Variants in SCAMP1 observed in about 807,000 individuals in gnomAD.
SCAMP1 encodes secretory carrier-associated membrane protein 1.
In SCAMP1, 15 loss-of-function variants were observed where a neutral mutation model predicts 41.8. That is an observed-to-expected ratio of 0.36 (90% CI 0.24 to 0.55). The LOEUF (loss-of-function observed/expected upper bound fraction) is 0.55. Ranked by LOEUF, SCAMP1 falls within the 20% of genes least tolerant of loss-of-function variation. The pLI, the probability that SCAMP1 is intolerant of heterozygous loss-of-function variation, is 0.86. For missense variants in SCAMP1, 341 were observed against 412.6 expected (o/e 0.83, Z 1.50); for synonymous variants, 135 against 136.8 (o/e 0.99, Z 0.09).
At chr5:78,457,240 CT>C (rs918526389) in intron 7 of SCAMP1, among the ~76,000 whole-genome samples, 7 of 152,190 alleles carry the variant, frequency 4.6e-5, no homozygotes, top group Admixed American at 4.6e-4. Context: ...AACTGCGTTC[CT>C]TTGGTAGAGG....
At chr5:78,460,740 T>TTCTC (rs1306487601) in intron 8 of SCAMP1, among the ~76,000 whole-genome samples, 5 of 147,454 alleles carry the variant, frequency 3.4e-5, no homozygotes, top group African/African-American at 1.0e-4. Context: ...TTGGTTTCTT[T>TTCTC]TCTCCTTCCT....
intron 2 of SCAMP1, among the ~76,000 whole-genome samples, chr5:78,391,193 C>T (rs1450163942): frequency 4.0e-5 from 6 of 151,894 alleles, no homozygotes; most frequent in African/African-American, 9.7e-5. Flanking sequence ...GGGTGGTGGC[C>T]GGGCAGAGGG....
intron 5 of SCAMP1, among the ~76,000 whole-genome samples, chr5:78,419,748 C>T (rs1039471941): frequency 6.6e-6 from 1 of 152,202 alleles, no homozygotes; most frequent in African/African-American, 2.4e-5. Flanking sequence ...GACTACCACC[C>T]TTCCCTTAAT....
intron 6 of SCAMP1, among the ~76,000 whole-genome samples, chr5:78,433,897 TAATAG>T (rs970205649): frequency 3.9e-5 from 6 of 152,194 alleles, no homozygotes; most frequent in African/African-American, 1.4e-4. Context: ...AAGGTCTCTG[TAATAG>T]ATATATTCCT....
intron 6 of SCAMP1, among the ~76,000 whole-genome samples, chr5:78,438,209 C>T (rs1204534381): frequency 2.0e-5 from 3 of 152,082 alleles, no homozygotes; most frequent in African/African-American, 4.8e-5. Context: ...ATGTCTCTAT[C>T]TCCTTCAGTT....
chr5:78,441,541 C>T (rs186884268), intron 6 of SCAMP1, among the ~76,000 whole-genome samples: 49 of 152,294 alleles, frequency 3.2e-4, no homozygotes, highest in African/African-American at 6.3e-4. Context: ...GGTCAGGGCA[C>T]GCTGGCCCAT....
chr5:78,424,240 C>T (rs1056863706), intron 6 of SCAMP1, among the ~76,000 whole-genome samples: 1 of 152,066 alleles, frequency 6.6e-6, no homozygotes, highest in African/African-American at 2.4e-5. Flanking sequence ...ATATACCTTC[C>T]TGTTATGTAT....
intron 2 of SCAMP1, among the ~76,000 whole-genome samples, chr5:78,392,022 A>G (rs1431658236): frequency 2.8e-3 from 4 of 1,406 alleles, no homozygotes; most frequent in African/African-American, 0.017. Context: ...GGAGAGGGAG[A>G]GAGAGGGAGA....
intron 7 of SCAMP1, among the ~76,000 whole-genome samples, chr5:78,457,276 T>C (rs548710835): frequency 1.8e-4 from 28 of 152,334 alleles, no homozygotes; most frequent in African/African-American, 6.0e-4. Flanking sequence ...TTTTAGAGTT[T>C]CCAGTTTTTC....
chr5:78,392,564 A>G (rs532621699), intron 2 of SCAMP1, among the ~76,000 whole-genome samples: 1 of 152,244 alleles, frequency 6.6e-6, no homozygotes, highest in South Asian at 2.1e-4. Flanking sequence ...TTGAGACTTT[A>G]TAGTTACAAA....
At chr5:78,375,351 A>G (rs1164842510) in intron 1 of SCAMP1, among the ~76,000 whole-genome samples, 1 of 152,142 alleles carries the variant, frequency 6.6e-6, no homozygotes, top group Non-Finnish European at 1.5e-5. Flanking sequence ...TGACCATGTC[A>G]CTTATTATAT....
In SCAMP1 at chr5:78,425,745, A is replaced by G. The variant is rs142451300; in HGVS notation, c.632+3785A>G. Reference sequence around the variant, plus strand: ...TATTAGGATATATTGTATATACTATAAAATTCACCCACTCTTATGGGAAAA... The same window carrying G: ...TATTAGGATATATTGTATATACTATGAAATTCACCCACTCTTATGGGAAAA... On this transcript the variant is annotated intron_variant, in intron 6 of 8. Coordinates refer to ENST00000621999, the MANE Select transcript of SCAMP1 (RefSeq NM_004866.6). Among the ~76,000 whole-genome samples the G allele has an allele frequency of 4.4e-4, 67 of 152,256 alleles. 1 individual carries two copies. The highest frequency in any genetic ancestry group is 1.6e-3 in the African/African-American group (65 of 41,548).
At chr5:78,421,132 TA>T (rs1752329386) in intron 5 of SCAMP1, among the ~76,000 whole-genome samples, 1 of 152,194 alleles carries the variant, frequency 6.6e-6, no homozygotes, top group Admixed American at 6.5e-5. Context: ...AAGCAATTAT[TA>T]ACAGCATATG....
chr5:78,419,561 C>T (rs1224330756), intron 5 of SCAMP1, among the ~76,000 whole-genome samples: 1 of 152,210 alleles, frequency 6.6e-6, no homozygotes, highest in East Asian at 1.9e-4. Context: ...AGACCTCCCA[C>T]TTACTCTCTG....
rs1754041096 is a variant in SCAMP1 at position 78,477,829 on chromosome 5, A to G, written c.*2161A>G. Reference sequence around the variant, plus strand: ...GGCAATGCTTATAGTATGATCAAGTATGAAAGGAACTTTAAATTCTTATAT... The same window carrying G: ...GGCAATGCTTATAGTATGATCAAGTGTGAAAGGAACTTTAAATTCTTATAT... On this transcript the variant is annotated 3_prime_UTR_variant, in exon 9 of 9. Coordinates refer to ENST00000621999, the MANE Select transcript of SCAMP1 (RefSeq NM_004866.6). 6.6e-6 allele frequency: 1 copy of G among 152,168 alleles called. No homozygotes were observed. The highest frequency in any genetic ancestry group is 1.5e-5 in the Non-Finnish European group (1 of 67,974). The allele number at this position is 152,168 out of a possible 1,614,324, so 9.4% of individuals were successfully genotyped here. A position where few individuals can be genotyped will look rare whatever the true frequency, so the allele number is the denominator to read the frequency against.
At chr5:78,395,847 C>T (rs925831661) in intron 2 of SCAMP1, among the ~76,000 whole-genome samples, 2 of 152,160 alleles carry the variant, frequency 1.3e-5, no homozygotes, top group South Asian at 2.1e-4. Flanking sequence ...TATAATGTAA[C>T]GTAATCAAAG....
chr5:78,419,959 A>G (rs992869306), intron 5 of SCAMP1, among the ~76,000 whole-genome samples: 5 of 152,300 alleles, frequency 3.3e-5, no homozygotes, highest in East Asian at 1.9e-4. Flanking sequence ...GTCTGATTCC[A>G]TATATGTACA....
chr5:78,416,717 C>G (rs1752219103), intron 4 of SCAMP1, 68 bp downstream of exon 4: 1 of 1,203,282 alleles, frequency 8.3e-7, no homozygotes, highest in South Asian at 1.4e-5. Flanking sequence ...ATACTAGCTC[C>G]TAGGTCATTT....
At chr5:78,458,179 C>G (rs1753482464) in intron 7 of SCAMP1, among the ~76,000 whole-genome samples, 1 of 152,144 alleles carries the variant, frequency 6.6e-6, no homozygotes, top group Admixed American at 6.5e-5. Flanking sequence ...TAGACCGGAG[C>G]TGTTCCTATT....
Sources: allele counts gnomAD v4.1 joint callset (sites outside exome capture counted in the v4.1 genomes callset), GRCh38; gene constraint gnomAD v4.1.1; transcripts MANE v1.5; gene names NCBI Gene and HGNC (gene_info 2026-07-23, HGNC 2026-07-21).